TBC1D5: variants seen among roughly 807,000 people sequenced by gnomAD.
The protein encoded by TBC1D5 is TBC1 domain family member 5.
In TBC1D5, 75 loss-of-function variants were observed where a neutral mutation model predicts 100.3. The observed-to-expected ratio is 0.75, with a 90% CI of 0.62 to 0.91. TBC1D5 has a LOEUF of 0.91. Ranked by LOEUF, TBC1D5 falls within the 40% of genes least tolerant of loss-of-function variation. TBC1D5 has a pLI of 0.00. For synonymous variants in TBC1D5, 323 were observed against 325.6 expected, an observed-to-expected ratio of 0.99 and a Z score of 0.09; for missense variants, 910 against 942.4, an observed-to-expected ratio of 0.97 and a Z score of 0.45.
At chr3:17,450,194 C>T (rs1367695934) in intron 3 of TBC1D5, among the ~76,000 whole-genome samples, 3 of 152,082 alleles carry the variant, frequency 2.0e-5, no homozygotes, top group African/African-American at 7.2e-5. Flanking sequence ...TCAACATCAA[C>T]AAAAAGGACA....
intron 2 of TBC1D5, among the ~76,000 whole-genome samples, chr3:17,583,899 T>C (rs931710863): frequency 1.3e-5 from 2 of 152,184 alleles, no homozygotes; most frequent in Non-Finnish European, 2.9e-5. Flanking sequence ...AACAGGTTCA[T>C]GTACACGCGT....
At chr3:17,429,779 CAGAT>C (rs933733877) in intron 3 of TBC1D5, among the ~76,000 whole-genome samples, 2 of 151,750 alleles carry the variant, frequency 1.3e-5, no homozygotes, top group Admixed American at 1.3e-4. Context: ...TTATAGCTGA[CAGAT>C]AGTAAAGAAC....
chr3:17,699,824 AAAAG>A (rs959800780), intron 1 of TBC1D5, among the ~76,000 whole-genome samples: 12 of 152,086 alleles, frequency 7.9e-5, no homozygotes, highest in South Asian at 2.1e-4. Context: ...AAAAAAAAAA[AAAAG>A]AAAGAAAGTT....
At chr3:17,665,807 A>T (rs2067194490) in intron 1 of TBC1D5, among the ~76,000 whole-genome samples, 1 of 152,120 alleles carries the variant, frequency 6.6e-6, no homozygotes, top group Admixed American at 6.5e-5. Flanking sequence ...ATTGTTCCTC[A>T]TTATTTCCCC....
chr3:17,362,534 C>T (rs574080922), intron 13 of TBC1D5, among the ~76,000 whole-genome samples: 1 of 151,986 alleles, frequency 6.6e-6, no homozygotes, highest in African/African-American at 2.4e-5. Context: ...TACAGTGGCA[C>T]CATCTTGGCA....
chr3:17,477,686 T>C (rs58314792), intron 3 of TBC1D5, among the ~76,000 whole-genome samples: 3,905 of 152,140 alleles, frequency 0.026, 312 homozygotes, highest in East Asian at 0.25. Context: ...TACATATCCA[T>C]TTATGTAACC....
chr3:17,479,702 C>T (rs57825001), intron 3 of TBC1D5, among the ~76,000 whole-genome samples: 11,635 of 152,100 alleles, frequency 0.076, 898 homozygotes, highest in African/African-American at 0.2. Context: ...GCCAGGTATG[C>T]TGTTATGTAC....
intron 2 of TBC1D5, among the ~76,000 whole-genome samples, chr3:17,570,570 C>G (rs2096620638): frequency 6.6e-6 from 1 of 152,018 alleles, no homozygotes; most frequent in Admixed American, 6.6e-5. Flanking sequence ...TGACATTTTA[C>G]TGTATGTATT....
intron 1 of TBC1D5, among the ~76,000 whole-genome samples, chr3:17,731,531 G>T (rs2076556991): frequency 6.7e-6 from 1 of 150,076 alleles, no homozygotes. Flanking sequence ...AAAAGAGGGT[G>T]TCATGAGACT....
At chr3:17,284,089 T>TACACACACACACACAC (rs58307801) in intron 15 of TBC1D5, among the ~76,000 whole-genome samples, 14,072 of 132,392 alleles carry the variant, frequency 0.11, 955 homozygotes, top group Middle Eastern at 0.17. Context: ...CTCATTATTT[T>TACACACACACACACAC]ACACACACAC....
intron 2 of TBC1D5, among the ~76,000 whole-genome samples, chr3:17,576,088 C>T (rs2096655406): frequency 6.6e-6 from 1 of 152,058 alleles, no homozygotes; most frequent in South Asian, 2.1e-4. Flanking sequence ...ATACTCTTAG[C>T]CATCCCTTAA....
At chr3:17,557,201 T>C (rs1183439119) in intron 2 of TBC1D5, among the ~76,000 whole-genome samples, 1 of 152,144 alleles carries the variant, frequency 6.6e-6, no homozygotes. Flanking sequence ...ATAATAAAAA[T>C]TAAGAAATTT....
intron 17 of TBC1D5, among the ~76,000 whole-genome samples, chr3:17,227,665 A>C (rs1159644617): frequency 1.3e-5 from 2 of 151,988 alleles, no homozygotes; most frequent in East Asian, 3.9e-4. Context: ...CGTGGACACA[A>C]AGAGGAGAAC....
intron 1 of TBC1D5, among the ~76,000 whole-genome samples, chr3:17,718,025 T>A (rs2075378144): frequency 6.6e-6 from 1 of 152,190 alleles, no homozygotes; most frequent in Admixed American, 6.5e-5. Flanking sequence ...TTCTCCGTAC[T>A]GAAGTACGAA....
intron 1 of TBC1D5, chr3:17,672,803 T>C (rs1217986440): frequency 3.3e-5 from 5 of 152,234 alleles, no homozygotes; most frequent in African/African-American, 4.8e-5. Context: ...AGAACCTGGA[T>C]ACAATGCTAT....
At chr3:17,197,377 TTATTTTTATTAC>T (rs2070836377) in intron 18 of TBC1D5, among the ~76,000 whole-genome samples, 1 of 152,174 alleles carries the variant, frequency 6.6e-6, no homozygotes, top group African/African-American at 2.4e-5. Context: ...TTTTATCTTA[TTATTTTTATTAC>T]TATTTTAGAG....
intron 17 of TBC1D5, among the ~76,000 whole-genome samples, chr3:17,227,932 T>A (rs1041566758): frequency 6.6e-6 from 1 of 151,290 alleles, no homozygotes; most frequent in African/African-American, 2.4e-5. Flanking sequence ...GATCATCCAG[T>A]CTTGGGGAGT....
At chr3:17,230,664 C>A (rs2075335003) in intron 17 of TBC1D5, among the ~76,000 whole-genome samples, 1 of 151,888 alleles carries the variant, frequency 6.6e-6, no homozygotes. Context: ...ATATTTACAT[C>A]CATAACACAA....
intron 1 of TBC1D5, among the ~76,000 whole-genome samples, chr3:17,730,242 T>A (rs959362925): frequency 6.8e-6 from 1 of 147,304 alleles, no homozygotes; most frequent in Non-Finnish European, 1.5e-5. Flanking sequence ...GCAAATTAAG[T>A]AAAGTTGCAA....
Sources: gnomAD v4.1 joint callset for allele counts (sites outside exome capture counted in the v4.1 genomes callset) on GRCh38, gnomAD v4.1.1 for gene constraint, MANE v1.5 for transcripts, NCBI Gene and HGNC (gene_info 2026-07-23, HGNC 2026-07-21) for gene names.